The following SPTLC3 variants were observed in gnomAD, a reference collection of about 807,000 sequenced individuals.
SPTLC3 encodes the protein serine palmitoyltransferase 3.
SPTLC3 carries 36 observed loss-of-function variants against 59.3 expected under a neutral mutation model. That is an observed-to-expected ratio of 0.61 (90% CI 0.47 to 0.80). SPTLC3 has a LOEUF of 0.80. SPTLC3 is among the 30% of genes least tolerant of loss of function. The pLI is 0.00. For synonymous variants in SPTLC3, 257 were observed against 240.8 expected, an observed-to-expected ratio of 1.07 and a Z score of -0.62; for missense variants, 625 against 685.1, an observed-to-expected ratio of 0.91 and a Z score of 0.98.
intron 2 of SPTLC3, chr20:13,050,297 G>C (rs1344265706): frequency 6.6e-6 from 1 of 152,146 alleles, no homozygotes; most frequent in African/African-American, 2.4e-5. Flanking sequence ...GCTCTGGAAA[G>C]TCTCAGCAAT....
intron 1 of SPTLC3, among the ~76,000 whole-genome samples, chr20:13,035,485 A>G (rs2122449776): frequency 6.6e-6 from 1 of 152,294 alleles, no homozygotes; most frequent in South Asian, 2.1e-4. Flanking sequence ...AGAGTCTGCT[A>G]ATAAACTGCC....
At chr20:13,063,395 C>T (rs1049776374) in intron 2 of SPTLC3, among the ~76,000 whole-genome samples, 4 of 151,930 alleles carry the variant, frequency 2.6e-5, no homozygotes, top group Non-Finnish European at 4.4e-5. Flanking sequence ...TTATATTTAG[C>T]CGCACATAAA....
chr20:13,025,987 T>A (rs1446634161), intron 1 of SPTLC3, among the ~76,000 whole-genome samples: 1 of 152,154 alleles, frequency 6.6e-6, no homozygotes, highest in Non-Finnish European at 1.5e-5. Flanking sequence ...TATTTGGTTT[T>A]CTCTTCCTGC....
At chr20:13,065,391 C>T (rs746907947) in intron 2 of SPTLC3, among the ~76,000 whole-genome samples, 5 of 149,782 alleles carry the variant, frequency 3.3e-5, no homozygotes, top group Admixed American at 6.7e-5. Flanking sequence ...AGTTTACCTT[C>T]TATTATTATT....
At position 13,167,153 on chromosome 20, in the gene SPTLC3, T is replaced by C. The variant is rs1600423568; in HGVS notation, c.*2286T>C. On this transcript the variant is annotated 3_prime_UTR_variant, in exon 12 of 12. Transcript: ENST00000399002. ...GCCAATAATATTAGAGTATATGTCA[T>C]ATAGAATAAGGTTAATTAGGAGGGT... 1 of 152,194 alleles carries C rather than the reference T, an allele frequency of 6.6e-6. No individual in the cohort carries two copies. The highest frequency in any genetic ancestry group is 1.9e-4 in the East Asian group (1 of 5,198). The allele number at this position is 152,194 out of a possible 1,614,324, so 9.4% of individuals were successfully genotyped here. A position where few individuals can be genotyped will look rare whatever the true frequency, so the allele number is the denominator to read the frequency against.
chr20:13,156,037 C>T (rs1332610253), intron 10 of SPTLC3, among the ~76,000 whole-genome samples: 2 of 152,032 alleles, frequency 1.3e-5, no homozygotes, highest in Admixed American at 1.3e-4. Flanking sequence ...AGATCTTTAA[C>T]CATCTGATTT....
chr20:13,134,693 G>C (rs2038202454), intron 9 of SPTLC3, among the ~76,000 whole-genome samples: 1 of 152,134 alleles, frequency 6.6e-6, no homozygotes, highest in Non-Finnish European at 1.5e-5. Flanking sequence ...AAACAGATCT[G>C]TGCAGTGGGA....
chr20:13,058,651 T>C (rs1987826657), intron 2 of SPTLC3, among the ~76,000 whole-genome samples: 2 of 152,204 alleles, frequency 1.3e-5, no homozygotes, highest in South Asian at 4.1e-4. Flanking sequence ...TGCAAATCAG[T>C]GTTTTAGAGC....
In SPTLC3 at chr20:13,072,387, A is replaced by G. The variant is rs243888; in HGVS notation, c.435A>G (p.Ser145=). The G allele has an allele frequency of 0.62, 996,162 of 1,604,506 alleles. 311,492 individuals are homozygous for G. The highest frequency in any genetic ancestry group is 0.76 in the African/African-American group (56,776 of 74,358). ...TGTTTGATTTGATGGAGAGGGTATC[A>G]GACGACTATAACTGGACGTTTAGGT... ...GPLFDLMERV[S]DDYNWTFRFT... is the part of the protein sequence containing the mutation. The change falls in exon 3 of 12, where the codon TCA becomes TCG. Residue 145 remains serine (S), a synonymous_variant. Coordinates refer to ENST00000399002, the MANE Select transcript of SPTLC3 (RefSeq NM_018327.4).
chr20:13,165,124 C>A lies in SPTLC3; in HGVS notation c.*257C>A. 3.0e-6 allele frequency: 1 copy of A among 338,556 alleles called. No homozygotes were observed. 21.0% of individuals were successfully genotyped at this position (338,556 alleles called of 1,614,324 possible). On this transcript the variant is annotated 3_prime_UTR_variant, in exon 12 of 12. Coordinates refer to ENST00000399002, the MANE Select transcript of SPTLC3 (RefSeq NM_018327.4). Reference sequence around the variant, plus strand: ...TACACACACACACACACACACACTTCTGAGAATATTTTTAATGGCAATAAG... The same window carrying A: ...TACACACACACACACACACACACTTATGAGAATATTTTTAATGGCAATAAG...
At chr20:13,055,877 T>G (rs1378446328) in intron 2 of SPTLC3, among the ~76,000 whole-genome samples, 2 of 151,968 alleles carry the variant, frequency 1.3e-5, no homozygotes, top group Admixed American at 6.6e-5. Flanking sequence ...AGCAAAGGCC[T>G]CAACGAATCC....
chr20:13,084,629 G>A (rs1568594445), intron 4 of SPTLC3, among the ~76,000 whole-genome samples: 1 of 152,142 alleles, frequency 6.6e-6, no homozygotes, highest in African/African-American at 2.4e-5. Context: ...ATTTCAGTAC[G>A]TTAGGTTGGC....
rs1035373268 is a variant in SPTLC3, at chr20:13,117,864, T to A, written c.1152+139T>A. 2.4e-5 allele frequency: 18 copies of A among 740,770 alleles called. 1 individual carries two copies. The highest frequency in any genetic ancestry group is 3.2e-5 in the Non-Finnish European group (15 of 468,880). The allele number at this position is 740,770 out of a possible 1,614,324, so 45.9% of individuals were successfully genotyped here. A position where few individuals can be genotyped will look rare whatever the true frequency, so the allele number is the denominator to read the frequency against. ...ATCACTCCAGCCTGGCTACAGTGGG[T>A]TCACAGCCAGATAAGGCCCAGAATA... On this transcript the variant is annotated intron_variant, in intron 8 of 11. Coordinates refer to ENST00000399002, the MANE Select transcript of SPTLC3 (RefSeq NM_018327.4).
rs188233801 is a variant in SPTLC3, at chr20:13,119,138, C to T, written c.1152+1413C>T. Among the ~76,000 whole-genome samples the T allele has an allele frequency of 1.0e-3, 154 of 152,354 alleles. 1 individual carries two copies. The highest frequency in any genetic ancestry group is 3.6e-3 in the African/African-American group (150 of 41,588). On this transcript the variant is annotated intron_variant, in intron 8 of 11. Coordinates refer to ENST00000399002, the MANE Select transcript of SPTLC3 (RefSeq NM_018327.4). ...TCTCAAATTTAGGAGCTCCCTGATC[C>T]TGGCTACATTGCTCTGTGAGCTTGT...
intron 4 of SPTLC3, among the ~76,000 whole-genome samples, chr20:13,085,903 C>T (rs937153587): frequency 9.2e-5 from 14 of 152,042 alleles, no homozygotes; most frequent in Admixed American, 9.2e-4. Flanking sequence ...ATTCATAAGG[C>T]AGGTTTTGAG....
chr20:13,071,638 C>T (rs1253403146), intron 2 of SPTLC3, among the ~76,000 whole-genome samples: 1 of 152,126 alleles, frequency 6.6e-6, no homozygotes, highest in African/African-American at 2.4e-5. Flanking sequence ...TATTAAGAGT[C>T]AAATGATGAC....
At chr20:13,125,950 G>A (rs112139992) in intron 8 of SPTLC3, among the ~76,000 whole-genome samples, 1 of 152,186 alleles carries the variant, frequency 6.6e-6, no homozygotes, top group African/African-American at 2.4e-5. Context: ...TGTAAACACT[G>A]CTATACATGC....
At chr20:13,081,499 C>A (rs1185429345) in intron 4 of SPTLC3, among the ~76,000 whole-genome samples, 1 of 152,096 alleles carries the variant, frequency 6.6e-6, no homozygotes, top group Non-Finnish European at 1.5e-5. Context: ...AAGAAGGGAC[C>A]AGCCTAAATA....
intron 9 of SPTLC3, among the ~76,000 whole-genome samples, chr20:13,129,325 T>C (rs1375090999): frequency 6.6e-6 from 1 of 152,200 alleles, no homozygotes; most frequent in Non-Finnish European, 1.5e-5. Context: ...TTTAACCTTT[T>C]AACATTGAAG....
Sources: gnomAD v4.1 joint callset for allele counts (sites outside exome capture counted in the v4.1 genomes callset) on GRCh38, gnomAD v4.1.1 for gene constraint, MANE v1.5 for transcripts, NCBI Gene and HGNC (gene_info 2026-07-23, HGNC 2026-07-21) for gene names.